NTNG1: variants seen among roughly 807,000 people sequenced by gnomAD.
NTNG1 encodes netrin-G1.
A neutral mutation model predicts 54.0 loss-of-function variants in NTNG1; 16 were observed. That is an observed-to-expected ratio of 0.30 (90% CI 0.20 to 0.45). NTNG1 has a LOEUF of 0.45. Among genes scored for constraint, NTNG1 ranks in the 20% least tolerant of loss-of-function variants. The probability of loss-of-function intolerance (pLI) is 1.00; values close to 1 mark genes in which losing one functional copy is unlikely to be tolerated. For missense variants in NTNG1, 530 were observed against 678.7 expected (o/e 0.78, Z 2.43); for synonymous variants, 255 against 263.1 (o/e 0.97, Z 0.30).
chr1:107,386,213 A>T (rs1333377030), intron 3 of NTNG1, among the ~76,000 whole-genome samples: 1 of 147,592 alleles, frequency 6.8e-6, no homozygotes, highest in Non-Finnish European at 1.5e-5. Context: ...CTTGTTGCCC[A>T]GACTGGAGTT....
intron 2 of NTNG1, among the ~76,000 whole-genome samples, chr1:107,213,126 A>G (rs1453281451): frequency 6.6e-6 from 1 of 151,952 alleles, no homozygotes; most frequent in African/African-American, 2.4e-5. Context: ...ATGAAATACC[A>G]TAGTTAATGC....
rs778378928 is a variant in NTNG1, at chr1:107,484,610, G to C, written c.*3770G>C. On this transcript the variant is annotated 3_prime_UTR_variant, in exon 8 of 8. Transcript: ENST00000370068. ...AGAAAGGTCCAGGTTGGAAGAAGGC[G>C]TCTGCTCCACAGTTCAGCTGGCCCT... Among the ~76,000 whole-genome samples, 1 of 152,174 alleles carries C rather than the reference G, an allele frequency of 6.6e-6. No homozygotes were observed. Among genetic ancestry groups the C allele is most frequent in the East Asian group, 1.9e-4 (1 of 5,188 alleles).
chr1:107,320,462 A>G (rs1181504594), intron 2 of NTNG1, among the ~76,000 whole-genome samples: 1 of 152,110 alleles, frequency 6.6e-6, no homozygotes. Flanking sequence ...AAAGAGGATT[A>G]GGGTGGGGTT....
chr1:107,452,909 A>G (rs1676708870), intron 7 of NTNG1, among the ~76,000 whole-genome samples: 1 of 152,216 alleles, frequency 6.6e-6, no homozygotes, highest in African/African-American at 2.4e-5. Flanking sequence ...TAAAGAATTG[A>G]AAGTCCATCC....
chr1:107,376,395 G>C (rs1473894022), intron 3 of NTNG1, among the ~76,000 whole-genome samples: 2 of 145,726 alleles, frequency 1.4e-5, no homozygotes, highest in African/African-American at 5.1e-5. Flanking sequence ...GTGACAGAGT[G>C]AGACTCCGTC....
At chr1:107,309,453 G>A (rs930874191) in intron 2 of NTNG1, among the ~76,000 whole-genome samples, 2 of 152,118 alleles carry the variant, frequency 1.3e-5, no homozygotes, top group African/African-American at 4.8e-5. Context: ...TTCATATTTT[G>A]TTAAACAGAA....
At chr1:107,213,594 A>T (rs142416255) in intron 2 of NTNG1, among the ~76,000 whole-genome samples, 5 of 152,200 alleles carry the variant, frequency 3.3e-5, no homozygotes, top group South Asian at 4.1e-4. Context: ...TTCCTCAGTG[A>T]TACTTTGGAC....
chr1:107,389,749 G>A (rs1435500867), intron 3 of NTNG1, among the ~76,000 whole-genome samples: 1 of 152,228 alleles, frequency 6.6e-6, no homozygotes, highest in Non-Finnish European at 1.5e-5. Context: ...TTAGGTATGA[G>A]TACTGTGGGT....
chr1:107,414,599 A>G (rs1443061518), intron 5 of NTNG1, among the ~76,000 whole-genome samples: 1 of 152,178 alleles, frequency 6.6e-6, no homozygotes, highest in Non-Finnish European at 1.5e-5. Context: ...CACTTGGGTT[A>G]AGAACAATTA....
chr1:107,250,729 C>T (rs979269021), intron 2 of NTNG1, among the ~76,000 whole-genome samples: 8 of 21,752 alleles, frequency 3.7e-4, no homozygotes, highest in South Asian at 1.4e-3. Flanking sequence ...GTCGGCCCTG[C>T]GTCAACCAGT....
At chr1:107,305,766 T>G (rs1428578370) in intron 2 of NTNG1, among the ~76,000 whole-genome samples, 1 of 152,216 alleles carries the variant, frequency 6.6e-6, no homozygotes, top group Non-Finnish European at 1.5e-5. Flanking sequence ...TTGTCTATTT[T>G]GGCTTTTGTT....
At chr1:107,478,487 C>A (rs777800272) in intron 7 of NTNG1, among the ~76,000 whole-genome samples, 1 of 151,948 alleles carries the variant, frequency 6.6e-6, no homozygotes, top group Non-Finnish European at 1.5e-5. Context: ...AAAAAAGAAA[C>A]CTCTGTTCAA....
intron 2 of NTNG1, among the ~76,000 whole-genome samples, chr1:107,251,125 G>A (rs948106248): frequency 1.3e-5 from 2 of 152,076 alleles, no homozygotes; most frequent in African/African-American, 4.8e-5. Flanking sequence ...AAAAGAATAC[G>A]TTCTGCATGA....
intron 2 of NTNG1, among the ~76,000 whole-genome samples, chr1:107,176,322 T>C (rs1022358239): frequency 1.2e-4 from 19 of 152,182 alleles, no homozygotes; most frequent in African/African-American, 4.3e-4. Context: ...TTTCTGAAAT[T>C]AAAATAAAAA....
chr1:107,301,600 GA>G (rs1666322675), intron 2 of NTNG1, among the ~76,000 whole-genome samples: 1 of 152,044 alleles, frequency 6.6e-6, no homozygotes, highest in Non-Finnish European at 1.5e-5. Context: ...ATCCTAATAA[GA>G]AATTTTAAAG....
At chr1:107,245,603 T>C (rs1000928992) in intron 2 of NTNG1, among the ~76,000 whole-genome samples, 1 of 152,242 alleles carries the variant, frequency 6.6e-6, no homozygotes, top group Non-Finnish European at 1.5e-5. Flanking sequence ...AATACTGTTT[T>C]CTTAGTCTAA....
At chr1:107,303,525 A>C (rs987445331) in intron 2 of NTNG1, among the ~76,000 whole-genome samples, 1 of 152,152 alleles carries the variant, frequency 6.6e-6, no homozygotes. Flanking sequence ...TGTTTCATGA[A>C]TAGATTTATC....
chr1:107,248,871 G>T (rs1447375859), intron 2 of NTNG1, among the ~76,000 whole-genome samples: 1 of 151,892 alleles, frequency 6.6e-6, no homozygotes, highest in Non-Finnish European at 1.5e-5. Flanking sequence ...AAGTTAGGCC[G>T]GGGGTGGTGG....
chr1:107,264,905 G>A (rs1404766815), intron 2 of NTNG1, among the ~76,000 whole-genome samples: 1 of 152,152 alleles, frequency 6.6e-6, no homozygotes, highest in Non-Finnish European at 1.5e-5. Context: ...CAAATATGCA[G>A]GAAGGATGTT....
Sources: gnomAD v4.1 joint callset for allele counts (sites outside exome capture counted in the v4.1 genomes callset) on GRCh38, gnomAD v4.1.1 for gene constraint, MANE v1.5 for transcripts, NCBI Gene and HGNC (gene_info 2026-07-23, HGNC 2026-07-21) for gene names.